Variants in ATRX observed in about 807,000 individuals in gnomAD.
ATRX encodes chromatin remodeler ATRX.
In ATRX, 12 loss-of-function variants were observed where a neutral mutation model predicts 172.6. The observed-to-expected ratio is 0.07, with a 90% CI of 0.04 to 0.11. ATRX has a LOEUF of 0.11. Among genes scored for constraint, ATRX ranks in the 10% least tolerant of loss-of-function variants. ATRX has a pLI of 1.00. For synonymous variants in ATRX, 674 were observed against 594.7 expected (o/e 1.13, Z -1.94); for missense variants, 1,368 against 1,767.4 (o/e 0.77, Z 4.05).
chrX:77,749,578 A>G (rs6621534), intron 1 of ATRX, among the ~76,000 whole-genome samples: 5,677 of 111,923 alleles, frequency 0.051, 368 homozygotes, highest in African/African-American at 0.18. Flanking sequence ...AAATTCTACA[A>G]TGCAAGCACT....
intron 2 of ATRX, among the ~76,000 whole-genome samples, chrX:77,701,373 G>A (rs1030269737): frequency 9.1e-6 from 1 of 110,088 alleles, no homozygotes; most frequent in Non-Finnish European, 1.9e-5. Flanking sequence ...TTAGCTGGGC[G>A]TGGTGGCATG....
chrX:77,754,842 G>A (rs2075430320), intron 1 of ATRX, among the ~76,000 whole-genome samples: 1 of 111,470 alleles, frequency 9.0e-6, no homozygotes, highest in African/African-American at 3.3e-5. Context: ...GAGTATCTTT[G>A]TGGTGTTCTC....
At chrX:77,735,998 T>A (rs2074544215) in intron 1 of ATRX, among the ~76,000 whole-genome samples, 1 of 103,264 alleles carries the variant, frequency 9.7e-6, no homozygotes, top group Admixed American at 1.1e-4. Context: ...GAGCCGAAAC[T>A]CCACCTCAAA....
At chrX:77,618,582 T>C (rs1432094720) in intron 21 of ATRX, among the ~76,000 whole-genome samples, 2 of 111,944 alleles carry the variant, frequency 1.8e-5, no homozygotes, top group East Asian at 5.6e-4. Flanking sequence ...GCTTTACACC[T>C]GGCAAATGAA....
intron 1 of ATRX, among the ~76,000 whole-genome samples, chrX:77,738,395 G>A (rs2074697110): frequency 9.3e-6 from 1 of 107,790 alleles, no homozygotes; most frequent in African/African-American, 3.4e-5. Context: ...ATACTAAGTG[G>A]AAAATCAGGA....
chrX:77,664,688 T>C lies in ATRX; in HGVS notation c.3900A>G (p.Lys1300=), dbSNP rs2148497111. ...CTTCATTTTGTTTTCCAGTTCTTTTTTTCCCTTCTTCTGGCTCATCATCTG... is the reference window on the plus strand; with the variant it reads ...CTTCATTTTGTTTTCCAGTTCTTTTCTTCCCTTCTTCTGGCTCATCATCTG... ...GSSDDEPEEG[K]KRTGKQNEEN... The change falls in exon 11 of 35, where the codon AAA becomes AAG. Residue 1300 remains lysine (K), a synonymous_variant. Transcript: ENST00000373344. 1 of 1,211,435 alleles carries C rather than the reference T, an allele frequency of 8.3e-7. No homozygotes were observed. Among genetic ancestry groups the C allele is most frequent in the Non-Finnish European group, 1.1e-6 (1 of 895,251 alleles).
At chrX:77,602,947 T>A (rs1427772855) in intron 22 of ATRX, among the ~76,000 whole-genome samples, 1 of 110,187 alleles carries the variant, frequency 9.1e-6, no homozygotes, top group Non-Finnish European at 1.9e-5. Context: ...AGATAAGATA[T>A]AGGGGGAAAA....
At chrX:77,676,674 T>A (rs2070882917) in intron 9 of ATRX, among the ~76,000 whole-genome samples, 1 of 112,306 alleles carries the variant, frequency 8.9e-6, no homozygotes, top group Non-Finnish European at 1.9e-5. Flanking sequence ...CTTCGAGGAA[T>A]AGCAAAAACA....
rs1467810089 is a variant in ATRX, at chrX:77,516,363, A to G, written c.7200+4425T>C. On this transcript the variant is annotated intron_variant, in intron 34 of 34. Coordinates refer to ENST00000373344, the MANE Select transcript of ATRX (RefSeq NM_000489.6). The stretch of plus-strand genomic sequence containing the variant: ...AAATACATTGTACCTATAAAGACAC[A>G]TATACAGTGAAAATAAAGGGATGAA... Among the ~76,000 whole-genome samples, 5 of 112,156 alleles carry G rather than the reference A, an allele frequency of 4.5e-5. No individual in the cohort carries two copies. In the East Asian group the frequency reaches 8.3e-4, roughly 19 times the overall value.
chrX:77,591,158 T>A (rs192578297), intron 26 of ATRX, among the ~76,000 whole-genome samples: 53 of 112,052 alleles, frequency 4.7e-4, no homozygotes, highest in Non-Finnish European at 9.0e-4. Context: ...AAAAGCAAGC[T>A]GTTTTAGGCA....
chrX:77,740,456 G>C (rs1467531599), intron 1 of ATRX, among the ~76,000 whole-genome samples: 1 of 110,854 alleles, frequency 9.0e-6, no homozygotes, highest in Non-Finnish European at 1.9e-5. Flanking sequence ...AAATATTTGA[G>C]GAAAATTTCC....
At chrX:77,559,748 T>C (rs1488407440) in intron 28 of ATRX, among the ~76,000 whole-genome samples, 2 of 110,479 alleles carry the variant, frequency 1.8e-5, no homozygotes, top group Non-Finnish European at 3.8e-5. Flanking sequence ...TGTGCTACCA[T>C]GCCTGGCCAG....
chrX:77,521,349 G>A (rs2063226641), intron 33 of ATRX, 54 bp downstream of exon 33: 1 of 952,348 alleles, frequency 1.1e-6, no homozygotes, highest in Non-Finnish European at 1.5e-6. Context: ...ATGGCAGTAG[G>A]GGGTGGAGGG....
At chrX:77,778,416 T>TA (rs782076675) in intron 1 of ATRX, among the ~76,000 whole-genome samples, 386 of 81,546 alleles carry the variant, frequency 4.7e-3, no homozygotes, top group East Asian at 0.026. Context: ...CCCTGTCTCT[T>TA]AAAAAAAAAA....
chrX:77,718,697 A>G (rs2073582694), intron 1 of ATRX, among the ~76,000 whole-genome samples: 1 of 111,318 alleles, frequency 9.0e-6, no homozygotes, highest in South Asian at 3.7e-4. Context: ...CTTAAGTTAT[A>G]TAATAGATGT....
chrX:77,674,625 G>A (rs1290938224), intron 10 of ATRX: 3 of 111,030 alleles, frequency 2.7e-5, no homozygotes, highest in Admixed American at 9.6e-5. Context: ...CTTATTTGGT[G>A]GTTAAATATG....
In ATRX at chrX:77,600,567, G is replaced by A. The variant is rs782049800; in HGVS notation, c.5567-3C>T. The A allele has an allele frequency of 2.5e-6, 3 of 1,207,603 alleles. No homozygotes were observed. The South Asian group carries it at 5.3e-5, about 21-fold the overall frequency. On this transcript the variant is annotated splice_region_variant and splice_polypyrimidine_tract_variant and intron_variant, in intron 22 of 34. Coordinates refer to ENST00000373344, the MANE Select transcript of ATRX (RefSeq NM_000489.6). ...ACCTTCACTATTATTGCCCACACCT[G>A]ATCAAAAGAAATATGGTTAAAGACA...
intron 1 of ATRX, among the ~76,000 whole-genome samples, chrX:77,718,145 C>G (rs1557166516): frequency 9.1e-6 from 1 of 110,219 alleles, no homozygotes; most frequent in African/African-American, 3.3e-5. Context: ...ATTTTCCTTT[C>G]CATCATTTAA....
chrX:77,672,057 T>C (rs1159536985), intron 10 of ATRX, among the ~76,000 whole-genome samples: 1 of 110,829 alleles, frequency 9.0e-6, no homozygotes, highest in African/African-American at 3.3e-5. Flanking sequence ...ACCTGTGCTA[T>C]ACAGACAAAG....
Sources: gnomAD v4.1 joint callset for allele counts (sites outside exome capture counted in the v4.1 genomes callset) on GRCh38, gnomAD v4.1.1 for gene constraint, MANE v1.5 for transcripts, NCBI Gene and HGNC (gene_info 2026-07-23, HGNC 2026-07-21) for gene names.